The following GLDC variants were observed in gnomAD, a reference collection of about 807,000 sequenced individuals.
The protein encoded by GLDC is glycine dehydrogenase (decarboxylating), mitochondrial.
In GLDC, 104 loss-of-function variants were observed where a neutral mutation model predicts 121.3. The ratio of observed to expected loss-of-function variants is 0.86; its 90% CI spans 0.73 to 1.01. The LOEUF (loss-of-function observed/expected upper bound fraction) is 1.01. Among genes scored for constraint, GLDC ranks in the 50% least tolerant of loss-of-function variants. GLDC has a pLI of 0.00. For synonymous variants in GLDC, 546 were observed against 480.6 expected (o/e 1.14, Z -1.78); for missense variants, 1,429 against 1,306.6 (o/e 1.09, Z -1.44).
At chr9:6,534,841 CT>C in intron 23 of GLDC, 53 bp from the exon 24 acceptor site, 7 of 944,658 alleles carry the variant, frequency 7.4e-6, no homozygotes, top group South Asian at 1.3e-5. Context: ...CTCTCTTCTC[CT>C]CCTACCCTGC....
At chr9:6,549,778 T>C (rs541908932) in intron 21 of GLDC, among the ~76,000 whole-genome samples, 1 of 152,246 alleles carries the variant, frequency 6.6e-6, no homozygotes, top group South Asian at 2.1e-4. Context: ...GATTACAGGA[T>C]TGCAGGTGTG....
chr9:6,537,737 A>T (rs1468166585), intron 22 of GLDC, among the ~76,000 whole-genome samples: 1 of 152,142 alleles, frequency 6.6e-6, no homozygotes, highest in Non-Finnish European at 1.5e-5. Context: ...TCAAGATCAC[A>T]ACACTGCACT....
chr9:6,534,763 A>G lies in GLDC; in HGVS notation c.2864T>C (p.Val955Ala). 6.2e-7 allele frequency: 1 copy of G among 1,605,888 alleles called. No individual in the cohort carries two copies. Among genetic ancestry groups the G allele is most frequent in the Non-Finnish European group, 8.5e-7 (1 of 1,172,548 alleles). ...AGGCCGGTCCCAGTGGGAAGATGTA[A>G]CGCAGGTCAGGGAGTGTGGAGACAT... ...LKMSPHSLTCVTSSHWDRPYS... is the reference protein window; with the variant it reads ...LKMSPHSLTCATSSHWDRPYS... The change falls in exon 24 of 25, where the codon GTT (valine) becomes GCT (alanine). Residue 955 changes from valine (V) to alanine (A), a missense_variant. By Grantham distance (64) the Val-to-Ala change is moderately conservative. Transcript: ENST00000321612.
chr9:6,566,435 T>C (rs1321446935), intron 15 of GLDC: 2 of 152,242 alleles, frequency 1.3e-5, no homozygotes, highest in Non-Finnish European at 2.9e-5. Context: ...TTACCAAATA[T>C]CGAGTCAAGG....
chr9:6,636,743 C>A (rs1437107891), intron 2 of GLDC, among the ~76,000 whole-genome samples: 1 of 152,044 alleles, frequency 6.6e-6, no homozygotes, highest in Non-Finnish European at 1.5e-5. Context: ...CCACTGCACT[C>A]CAGCCTGGGC....
chr9:6,589,275 GC>G lies in GLDC; in HGVS notation c.1499del (p.Ser500ThrfsTer39). ...GAATACCTCTGCACTCCTCTCCCAT[GC>G]TTTCAGCAACCAGTTCCTGAAGGAG... ...CESSAELVAESMGEECRGIPG... is the reference protein window; with the variant it reads ...CESSAELVAEXMGEECRGIPG... On this transcript the variant is annotated frameshift_variant, in exon 12 of 25. Transcript: ENST00000321612. LOFTEE classifies it high-confidence loss of function. 1 of 1,606,620 alleles carries G rather than the reference GC, an allele frequency of 6.2e-7. No homozygotes were observed. Among genetic ancestry groups the G allele is most frequent in the East Asian group, 2.2e-5 (1 of 44,848 alleles).
intron 15 of GLDC, among the ~76,000 whole-genome samples, chr9:6,578,772 A>T (rs150624062): frequency 1.3e-5 from 2 of 152,232 alleles, no homozygotes; most frequent in African/African-American, 4.8e-5. Flanking sequence ...GGATCAAGTG[A>T]TCCTCCTGCC....
At chr9:6,636,602 A>G (rs982942824) in intron 2 of GLDC, among the ~76,000 whole-genome samples, 4 of 151,992 alleles carry the variant, frequency 2.6e-5, no homozygotes, top group African/African-American at 9.7e-5. Flanking sequence ...ACACAGTAAG[A>G]TTGTCTCTAG....
intron 15 of GLDC, among the ~76,000 whole-genome samples, chr9:6,578,426 T>A (rs1818113984): frequency 6.6e-6 from 1 of 152,060 alleles, no homozygotes; most frequent in South Asian, 2.1e-4. Flanking sequence ...TCTTTCTTCT[T>A]TTTTAATGTA....
At chr9:6,582,316 T>G (rs1307720773) in intron 15 of GLDC, among the ~76,000 whole-genome samples, 1 of 147,208 alleles carries the variant, frequency 6.8e-6, no homozygotes, top group Non-Finnish European at 1.5e-5. Context: ...GTCAGGAGTT[T>G]GAGACCAGCT....
chr9:6,631,890 G>A (rs1469330655), intron 2 of GLDC, among the ~76,000 whole-genome samples: 1 of 152,164 alleles, frequency 6.6e-6, no homozygotes, highest in Non-Finnish European at 1.5e-5. Context: ...AACACAGCAA[G>A]ACCCCCGTCT....
At chr9:6,610,161 T>A in intron 4 of GLDC, 31 bp downstream of exon 4, 2 of 1,570,876 alleles carry the variant, frequency 1.3e-6, no homozygotes, top group Admixed American at 1.8e-5. Flanking sequence ...GGCCCACAAC[T>A]GGAATTCCAG....
intron 15 of GLDC, among the ~76,000 whole-genome samples, chr9:6,570,640 G>A (rs1198969217): frequency 2.0e-5 from 3 of 152,088 alleles, no homozygotes; most frequent in South Asian, 2.1e-4. Flanking sequence ...GATCACCTGA[G>A]GTCAGGAGTT....
intron 20 of GLDC, among the ~76,000 whole-genome samples, chr9:6,551,682 G>A (rs1587920895): frequency 6.6e-6 from 1 of 152,178 alleles, no homozygotes. Context: ...GCCAGAACTT[G>A]GCTAGAAACT....
intron 2 of GLDC, among the ~76,000 whole-genome samples, chr9:6,630,810 G>A (rs544018975): frequency 6.6e-6 from 1 of 152,252 alleles, no homozygotes; most frequent in Non-Finnish European, 1.5e-5. Flanking sequence ...CCATCTGCAT[G>A]CTGATCCTTT....
intron 21 of GLDC, among the ~76,000 whole-genome samples, chr9:6,547,582 T>C (rs560791759): frequency 3.3e-5 from 5 of 152,172 alleles, no homozygotes; most frequent in African/African-American, 1.2e-4. Flanking sequence ...AAAGCTTCAG[T>C]GCATTTATAT....
At chr9:6,613,291 A>AT (rs1435620252) in intron 3 of GLDC, among the ~76,000 whole-genome samples, 3 of 152,256 alleles carry the variant, frequency 2.0e-5, no homozygotes, top group African/African-American at 2.4e-5. Context: ...ATTCAGGTGC[A>AT]TTTTTTCCAA....
chr9:6,631,152 C>T (rs1819369363), intron 2 of GLDC, among the ~76,000 whole-genome samples: 1 of 152,230 alleles, frequency 6.6e-6, no homozygotes, highest in Non-Finnish European at 1.5e-5. Flanking sequence ...TCTCCTTGCT[C>T]TAAGCCTGCC....
chr9:6,608,098 C>A (rs183283570), intron 4 of GLDC, among the ~76,000 whole-genome samples: 2 of 151,796 alleles, frequency 1.3e-5, no homozygotes, highest in Admixed American at 1.3e-4. Context: ...GCCTGGGTGA[C>A]AAAGTCAAAC....
Sources: gnomAD v4.1 joint callset for allele counts (sites outside exome capture counted in the v4.1 genomes callset) on GRCh38, gnomAD v4.1.1 for gene constraint, MANE v1.5 for transcripts, NCBI Gene and HGNC (gene_info 2026-07-23, HGNC 2026-07-21) for gene names.